Variants in OPCML observed in about 807,000 individuals in gnomAD.
OPCML encodes the protein opioid-binding protein/cell adhesion molecule.
A neutral mutation model predicts 37.8 loss-of-function variants in OPCML; 13 were observed. That is an observed-to-expected ratio of 0.34 (90% CI 0.22 to 0.55). The LOEUF (loss-of-function observed/expected upper bound fraction) is 0.55. OPCML is among the 20% of genes least tolerant of loss of function. OPCML has a pLI of 0.91. For synonymous variants in OPCML, 176 were observed against 168.8 expected (o/e 1.04, Z -0.33); for missense variants, 341 against 435.6 (o/e 0.78, Z 1.93).
chr11:133,175,484 GA>G (rs5795829), intron 1 of OPCML, among the ~76,000 whole-genome samples: 2,052 of 137,610 alleles, frequency 0.015, 34 homozygotes, highest in South Asian at 0.041. Context: ...GAGAAAAATA[GA>G]AAAAAAAAAA....
intron 3 of OPCML, among the ~76,000 whole-genome samples, chr11:132,549,259 C>T (rs967248917): frequency 3.3e-5 from 5 of 152,182 alleles, no homozygotes; most frequent in Non-Finnish European, 5.9e-5. Context: ...CTCTGGCCAG[C>T]GCCTTGGTAA....
rs559854397 is a variant in OPCML at position 132,532,604 on chromosome 11, T to C, written c.380-3418A>G. On this transcript the variant is annotated intron_variant, in intron 3 of 7. Coordinates refer to ENST00000524381, the MANE Select transcript of OPCML (RefSeq NM_001012393.5). ...ATCTCACTGCATTATGATTCCTCTTTGTTTATTGTTGATCAATTCCCCAAA... is the reference window on the plus strand; with the variant it reads ...ATCTCACTGCATTATGATTCCTCTTCGTTTATTGTTGATCAATTCCCCAAA... 2.0e-5 allele frequency among the ~76,000 whole-genome samples: 3 copies of C among 152,310 alleles called. No individual in the cohort carries two copies. In the South Asian group the frequency reaches 6.2e-4, roughly 32 times the overall value.
chr11:132,818,372 G>A (rs767440687), intron 2 of OPCML, among the ~76,000 whole-genome samples: 27 of 151,916 alleles, frequency 1.8e-4, no homozygotes, highest in South Asian at 6.3e-4. Flanking sequence ...ACTGCCCTCC[G>A]TAACGTGGGT....
intron 1 of OPCML, among the ~76,000 whole-genome samples, chr11:133,441,070 C>T (rs988218517): frequency 6.6e-6 from 1 of 151,472 alleles, no homozygotes. Flanking sequence ...AATAAGAAAG[C>T]TCTGTAAGGA....
intron 1 of OPCML, chr11:133,005,098 A>G (rs1183666855): frequency 1.0e-6 from 1 of 985,216 alleles, no homozygotes; most frequent in Non-Finnish European, 1.2e-6. Context: ...ATGGCTTCCC[A>G]TGAAGTTTAG....
intron 2 of OPCML, among the ~76,000 whole-genome samples, chr11:132,746,001 G>T (rs1479936643): frequency 1.3e-5 from 2 of 152,176 alleles, no homozygotes; most frequent in African/African-American, 4.8e-5. Flanking sequence ...TGTCCCTGGG[G>T]ACAGCTGGAC....
chr11:132,489,917 AT>A (rs2096210708), intron 4 of OPCML, among the ~76,000 whole-genome samples: 1 of 152,080 alleles, frequency 6.6e-6, no homozygotes, highest in South Asian at 2.1e-4. Flanking sequence ...TTCAGCTCCC[AT>A]TTATGAGTGA....
intron 1 of OPCML, among the ~76,000 whole-genome samples, chr11:132,990,933 G>T (rs948232104): frequency 6.6e-6 from 1 of 152,180 alleles, no homozygotes; most frequent in Non-Finnish European, 1.5e-5. Context: ...AAGTATGATT[G>T]AAATCACAGG....
intron 1 of OPCML, among the ~76,000 whole-genome samples, chr11:133,287,328 T>C (rs1402766762): frequency 1.4e-5 from 2 of 145,614 alleles, no homozygotes; most frequent in Admixed American, 7.0e-5. Flanking sequence ...CCCAGGCTAG[T>C]CTCAAACTCC....
intron 1 of OPCML, among the ~76,000 whole-genome samples, chr11:133,001,875 A>T (rs934001019): frequency 6.6e-6 from 1 of 152,210 alleles, no homozygotes; most frequent in African/African-American, 2.4e-5. Flanking sequence ...ATCTGGCAAG[A>T]GTATTTATTG....
intron 1 of OPCML, among the ~76,000 whole-genome samples, chr11:133,505,350 G>C (rs902771736): frequency 6.6e-6 from 1 of 152,208 alleles, no homozygotes; most frequent in Non-Finnish European, 1.5e-5. Context: ...AGGTGAGCCT[G>C]GCTACCAGGC....
At chr11:133,247,028 G>T (rs1189066848) in intron 1 of OPCML, among the ~76,000 whole-genome samples, 1 of 152,098 alleles carries the variant, frequency 6.6e-6, no homozygotes, top group African/African-American at 2.4e-5. Flanking sequence ...AAAATAGAGG[G>T]AGAAGATGAG....
chr11:132,417,124 C>T lies in OPCML; in HGVS notation c.*3069G>A, dbSNP rs1280651932. The T allele has an allele frequency of 1.3e-5, 2 of 152,540 alleles. No homozygotes were observed. Among genetic ancestry groups the T allele is most frequent in the African/African-American group, 2.4e-5 (1 of 41,430 alleles). The allele number at this position is 152,540 out of a possible 1,614,324, so 9.4% of individuals were successfully genotyped here. A position where few individuals can be genotyped will look rare whatever the true frequency, so the allele number is the denominator to read the frequency against. On this transcript the variant is annotated 3_prime_UTR_variant, in exon 8 of 8. Coordinates refer to ENST00000524381, the MANE Select transcript of OPCML (RefSeq NM_001012393.5). ...ATGTTTTGTCCTGCCTTGCCCCCAC[C>T]CCATGCCCACTACTGGCACCCTGAA... is the stretch of plus-strand genomic sequence containing the variant.
chr11:133,271,571 G>A (rs1027461640), intron 1 of OPCML, among the ~76,000 whole-genome samples: 1 of 152,130 alleles, frequency 6.6e-6, no homozygotes, highest in African/African-American at 2.4e-5. Flanking sequence ...ATAAACACAT[G>A]CATTGTTTCA....
intron 1 of OPCML, among the ~76,000 whole-genome samples, chr11:133,061,308 T>C (rs1159546060): frequency 1.3e-5 from 2 of 152,268 alleles, no homozygotes; most frequent in Non-Finnish European, 2.9e-5. Context: ...ATTCTACCTC[T>C]TCCTCTTCCT....
At chr11:133,317,755 C>T (rs184131271) in intron 1 of OPCML, among the ~76,000 whole-genome samples, 14 of 152,304 alleles carry the variant, frequency 9.2e-5, no homozygotes, top group South Asian at 8.3e-4. Context: ...TGTCAAGTAG[C>T]TTCTAGCTTA....
intron 3 of OPCML, among the ~76,000 whole-genome samples, chr11:132,608,213 A>G (rs1938425848): frequency 1.3e-5 from 2 of 152,232 alleles, no homozygotes; most frequent in African/African-American, 2.4e-5. Context: ...CAGTTCTCTC[A>G]GAAAGCACAT....
intron 1 of OPCML, among the ~76,000 whole-genome samples, chr11:133,051,673 AT>A (rs1294958014): frequency 3.3e-5 from 5 of 152,046 alleles, no homozygotes; most frequent in Non-Finnish European, 5.9e-5. Flanking sequence ...GGCATTCTGT[AT>A]TTTTTCTTGT....
At chr11:132,521,649 C>T (rs1472464748) in intron 4 of OPCML, among the ~76,000 whole-genome samples, 3 of 152,052 alleles carry the variant, frequency 2.0e-5, no homozygotes, top group Non-Finnish European at 4.4e-5. Context: ...AGACAAATAC[C>T]TAATGCATGC....
Sources: allele counts gnomAD v4.1 joint callset (sites outside exome capture counted in the v4.1 genomes callset), GRCh38; gene constraint gnomAD v4.1.1; transcripts MANE v1.5; gene names NCBI Gene and HGNC (gene_info 2026-07-23, HGNC 2026-07-21).